Variants in BICRA observed in about 807,000 individuals in gnomAD.
BICRA encodes the protein BRD4-interacting chromatin-remodeling complex-associated protein.
Under a neutral mutation model 96.9 loss-of-function variants are expected in BICRA, and 31 were observed. The ratio of observed to expected loss-of-function variants is 0.32; its 90% confidence interval spans 0.24 to 0.43. BICRA has a LOEUF of 0.43. BICRA is among the 20% of genes least tolerant of loss of function. BICRA has a pLI of 1.00. For missense variants in BICRA, 2,283 were observed against 2,190.3 expected (o/e 1.04, Z -0.84); for synonymous variants, 1,350 against 1,071.8 (o/e 1.26, Z -5.07).
chr19:47,621,764 C>T (rs904475319), intron 1 of BICRA, among the ~76,000 whole-genome samples: 4 of 150,972 alleles, frequency 2.6e-5, no homozygotes, highest in Admixed American at 6.6e-5. Context: ...CCACTGCACC[C>T]GGCCTGAATT....
intron 1 of BICRA, among the ~76,000 whole-genome samples, chr19:47,623,211 T>C (rs1346732421): frequency 6.6e-6 from 1 of 152,176 alleles, no homozygotes; most frequent in Non-Finnish European, 1.5e-5. Context: ...AGTGAATTGC[T>C]TGCTTTGTGC....
chr19:47,681,046 C>A lies in BICRA; in HGVS notation c.1876C>A (p.Gln626Lys). Residue 626 changes from glutamine to lysine, a missense_variant, in exon 6 of 15, where the codon CAG becomes AAG. Physicochemically the swap from Gln to Lys is moderately conservative, Grantham distance 53. Transcript: ENST00000594866. ...APVLTVQPAP[Q>K]APPAVSTPLP... ...TGTCCTCACGGTGCAGCCTGCCCCC[C>A]AGGCGCCCCCCGCGGTCAGCACACC... The A allele has an allele frequency of 7.1e-7, 1 of 1,414,028 alleles. No homozygotes were observed. The highest frequency in any genetic ancestry group is 9.2e-7 in the Non-Finnish European group (1 of 1,092,192). The allele number at this position is 1,414,028 out of a possible 1,614,324, so 87.6% of individuals were successfully genotyped here. A position where few individuals can be genotyped will look rare whatever the true frequency, so the allele number is the denominator to read the frequency against.
intron 1 of BICRA, among the ~76,000 whole-genome samples, chr19:47,627,913 G>A (rs1972164446): frequency 1.3e-5 from 2 of 152,170 alleles, no homozygotes; most frequent in African/African-American, 2.4e-5. Flanking sequence ...GGGATTACAG[G>A]CGCATGCCAC....
chr19:47,637,844 G>C (rs1972323246), intron 1 of BICRA, among the ~76,000 whole-genome samples: 1 of 152,118 alleles, frequency 6.6e-6, no homozygotes, highest in Non-Finnish European at 1.5e-5. Context: ...ATGTTTTCCA[G>C]GTCCACCGCT....
chr19:47,624,674 C>T (rs1035044594), intron 1 of BICRA, among the ~76,000 whole-genome samples: 15 of 151,604 alleles, frequency 9.9e-5, no homozygotes, highest in Non-Finnish European at 2.2e-4. Flanking sequence ...ATGCCTGTAC[C>T]TCCCACTGCC....
At position 47,681,009 on chromosome 19, in the gene BICRA, G is replaced by C. The variant is rs1973042638; in HGVS notation, c.1839G>C (p.Gly613=). ...VQPATPAAAT[G]EAAPVLTVQP... is the part of the protein sequence containing the mutation. Reference sequence around the variant, plus strand: ...CGGCCACCCCTGCCGCTGCCACCGGGGAGGCCGCGCCTGTCCTCACGGTGC... The same window carrying C: ...CGGCCACCCCTGCCGCTGCCACCGGCGAGGCCGCGCCTGTCCTCACGGTGC... The change falls in exon 6 of 15, where the codon GGG becomes GGC. Residue 613 remains glycine, a synonymous_variant. Transcript: ENST00000594866. The C allele has an allele frequency of 1.4e-6, 2 of 1,455,836 alleles. No homozygotes were observed. Among genetic ancestry groups the C allele is most frequent in the Non-Finnish European group, 9.0e-7 (1 of 1,112,888 alleles). The allele number at this position is 1,455,836 out of a possible 1,614,324, so 90.2% of individuals were successfully genotyped here.
intron 1 of BICRA, among the ~76,000 whole-genome samples, chr19:47,641,055 C>T (rs1972377655): frequency 6.6e-6 from 1 of 150,408 alleles, no homozygotes; most frequent in South Asian, 2.1e-4. Context: ...CACCCACCAC[C>T]ACCATGCCTG....
chr19:47,695,924 G>A (rs1162659510), intron 10 of BICRA, among the ~76,000 whole-genome samples: 1 of 152,086 alleles, frequency 6.6e-6, no homozygotes, highest in East Asian at 1.9e-4. Flanking sequence ...GTAGATGTAA[G>A]ACGTGGGGGA....
intron 4 of BICRA, among the ~76,000 whole-genome samples, chr19:47,674,724 C>G (rs1048768136): frequency 2.6e-5 from 4 of 152,174 alleles, no homozygotes; most frequent in African/African-American, 9.7e-5. Flanking sequence ...GCCTCAGTTC[C>G]TCACCACGGG....
At position 47,694,644 on chromosome 19, in the gene BICRA, C is replaced by T. The variant is rs753653330; in HGVS notation, c.2813C>T (p.Pro938Leu). 1.3e-5 allele frequency: 21 copies of T among 1,584,876 alleles called. No individual in the cohort carries two copies. In the Admixed American group the frequency reaches 1.5e-4, roughly 11 times the overall value. The change falls in exon 8 of 15, where the codon CCG (proline) becomes CTG (leucine). Residue 938 changes from proline (P) to leucine (L), a missense_variant. Physicochemically the swap from Pro to Leu is moderately conservative, Grantham distance 98. Transcript: ENST00000594866. ...CCTGAGCCGGCAGCACCCCCCCCAC[C>T]GCCTCCTCGGACCTTCCAGATGGTG... The part of the protein sequence containing the change: ...LVPEPAAPPP[P>L]PPRTFQMVTT...
intron 5 of BICRA, among the ~76,000 whole-genome samples, chr19:47,677,898 T>A (rs957380518): frequency 3.3e-5 from 5 of 152,222 alleles, no homozygotes; most frequent in Non-Finnish European, 5.9e-5. Flanking sequence ...GTGTGTGTCA[T>A]GTCACACGCT....
At chr19:47,691,876 T>C (rs532068126) in intron 7 of BICRA, among the ~76,000 whole-genome samples, 1 of 152,112 alleles carries the variant, frequency 6.6e-6, no homozygotes, top group Non-Finnish European at 1.5e-5. Flanking sequence ...CTTAATATTT[T>C]AGTATAATAT....
At chr19:47,692,551 C>G (rs1404780779) in intron 7 of BICRA, among the ~76,000 whole-genome samples, 1 of 152,124 alleles carries the variant, frequency 6.6e-6, no homozygotes, top group Non-Finnish European at 1.5e-5. Flanking sequence ...ATCACAGATT[C>G]CTGGAGGGGA....
Position 47,698,911 on chromosome 19 carries a change from C to T in BICRA, c.3398-54C>T. The T allele has an allele frequency of 1.4e-6, 2 of 1,416,284 alleles. No individual in the cohort carries two copies. Among genetic ancestry groups the T allele is most frequent in the Non-Finnish European group, 2.0e-6 (2 of 1,022,474 alleles). The allele number at this position is 1,416,284 out of a possible 1,614,324, so 87.7% of individuals were successfully genotyped here. ...ACCCTGCCCCGCCCTCCTTCCTGCG[C>T]ATCCGCGGCCGCCCCCAACATCTCC... On this transcript the variant is annotated intron_variant, in intron 12 of 14. Coordinates refer to ENST00000594866, the MANE Select transcript of BICRA (RefSeq NM_001394372.1). The surrounding 1 kb of genome is among the most constrained non-coding windows in gnomAD (Gnocchi z 4.8).
At chr19:47,621,774 T>C (rs1972068633) in intron 1 of BICRA, among the ~76,000 whole-genome samples, 1 of 151,216 alleles carries the variant, frequency 6.6e-6, no homozygotes, top group South Asian at 2.1e-4. Flanking sequence ...CGGCCTGAAT[T>C]GAGAGACTTC....
intron 7 of BICRA, among the ~76,000 whole-genome samples, chr19:47,687,855 G>C (rs1271110323): frequency 6.7e-6 from 1 of 149,958 alleles, no homozygotes; most frequent in African/African-American, 2.5e-5. Context: ...CCCATGCTTT[G>C]CACACAGGTA....
At chr19:47,616,076 C>T (rs1291534445) in intron 1 of BICRA, 1 of 152,488 alleles carries the variant, frequency 6.6e-6, no homozygotes, top group East Asian at 1.9e-4. Context: ...AGAGGGCACG[C>T]AGCAGGCTGC....
At chr19:47,639,924 G>A (rs1314313941) in intron 1 of BICRA, among the ~76,000 whole-genome samples, 1 of 152,010 alleles carries the variant, frequency 6.6e-6, no homozygotes, top group Non-Finnish European at 1.5e-5. Context: ...GATTACAGGC[G>A]TGAGCCACCA....
In BICRA at chr19:47,701,607, G is replaced by T; in HGVS notation, c.3875G>T (p.Arg1292Leu). ...DADEDGPMPSRNRPPIKTYEA... is the reference protein window; with the variant it reads ...DADEDGPMPSLNRPPIKTYEA... Reference sequence around the variant, plus strand: ...GACGAGGACGGCCCCATGCCCTCCCGCAACCGCCCGCCCATCAAGACCTAC... The same window carrying T: ...GACGAGGACGGCCCCATGCCCTCCCTCAACCGCCCGCCCATCAAGACCTAC... The change falls in exon 15 of 15, where the codon CGC becomes CTC. Residue 1292 changes from arginine (R) to leucine (L), a missense_variant. By Grantham distance (102) the Arg-to-Leu change is moderately radical (BLOSUM62 -2). Transcript: ENST00000594866. The surrounding 1 kb of genome is among the most constrained non-coding windows in gnomAD (Gnocchi z 5.4). The T allele has an allele frequency of 6.4e-7, 1 of 1,560,958 alleles. No individual in the cohort carries two copies.
Sources: gnomAD v4.1 joint callset for allele counts (sites outside exome capture counted in the v4.1 genomes callset) on GRCh38, gnomAD v4.1.1 for gene constraint, Gnocchi (gnomAD v3.1) non-coding constraint, MANE v1.5 for transcripts, NCBI Gene and HGNC (gene_info 2026-07-23, HGNC 2026-07-21) for gene names.